TTC19: variants seen among roughly 807,000 people sequenced by gnomAD.
TTC19 encodes tetratricopeptide repeat protein 19, mitochondrial.
Under a neutral mutation model 49.5 loss-of-function variants are expected in TTC19, and 38 were observed. That is an observed-to-expected ratio of 0.77 (90% CI 0.59 to 1.01). The LOEUF (loss-of-function observed/expected upper bound fraction) is 1.01, where lower values mean the gene tolerates loss of function less well. Among genes scored for constraint, TTC19 ranks in the 50% least tolerant of loss-of-function variants. The pLI is 0.00. For missense variants in TTC19, 475 were observed against 477.7 expected, an observed-to-expected ratio of 0.99 and a Z score of 0.05; for synonymous variants, 204 against 185.2, an observed-to-expected ratio of 1.10 and a Z score of -0.83.
intron 3 of TTC19, among the ~76,000 whole-genome samples, chr17:16,002,303 C>T (rs929439189): frequency 4.6e-5 from 7 of 152,090 alleles, no homozygotes; most frequent in East Asian, 1.9e-4. Context: ...CTCACCCTCC[C>T]GAGTAGCTGG....
chr17:16,006,081 C>G (rs889142751), intron 6 of TTC19, among the ~76,000 whole-genome samples: 11 of 152,150 alleles, frequency 7.2e-5, no homozygotes, highest in Non-Finnish European at 2.9e-5. Context: ...AATGTTTAAA[C>G]TGAGCTGGAA....
At chr17:16,010,909 T>A (rs1483732819) in intron 7 of TTC19, among the ~76,000 whole-genome samples, 1 of 152,254 alleles carries the variant, frequency 6.6e-6, no homozygotes, top group Non-Finnish European at 1.5e-5. Context: ...CAGTTTCTGG[T>A]TGTGTCTACA....
rs1971647036 is a variant in TTC19, at chr17:16,028,209, G to T, written c.*687G>T. On this transcript the variant is annotated 3_prime_UTR_variant, in exon 10 of 10. Transcript: ENST00000261647. ...TATAAAACTAAAAACTAAGAATGATGTAACCTTTTGTCTGTGTTATCTGAA... is the reference window on the plus strand; with the variant it reads ...TATAAAACTAAAAACTAAGAATGATTTAACCTTTTGTCTGTGTTATCTGAA... The T allele has an allele frequency of 2.2e-6, 1 of 453,956 alleles. No homozygotes were observed. Among genetic ancestry groups the T allele is most frequent in the Non-Finnish European group, 4.4e-6 (1 of 226,796 alleles). The allele number at this position is 453,956 out of a possible 1,614,324, so 28.1% of individuals were successfully genotyped here.
intron 7 of TTC19, among the ~76,000 whole-genome samples, chr17:16,022,232 C>G (rs1253941385): frequency 6.6e-6 from 1 of 152,226 alleles, no homozygotes; most frequent in East Asian, 1.9e-4. Flanking sequence ...TGTCAACTCA[C>G]AGACTCTCCA....
intron 7 of TTC19, among the ~76,000 whole-genome samples, chr17:16,010,050 A>G (rs1460852658): frequency 6.6e-6 from 1 of 151,824 alleles, no homozygotes; most frequent in Admixed American, 6.6e-5. Flanking sequence ...TTAATTTCCA[A>G]TGTTATCTGT....
At chr17:16,032,664 T>A (rs1001159748), downstream of TTC19, among the ~76,000 whole-genome samples, 3 of 152,188 alleles carry the variant, frequency 2.0e-5, no homozygotes, top group Non-Finnish European at 4.4e-5. Flanking sequence ...GCCAATGATA[T>A]ATAGCAGTCA....
At chr17:16,006,947 G>T (rs1260246278) in intron 7 of TTC19, among the ~76,000 whole-genome samples, 2 of 152,032 alleles carry the variant, frequency 1.3e-5, no homozygotes, top group Non-Finnish European at 2.9e-5. Flanking sequence ...TAAGAAAGAA[G>T]AGAAAAAAAG....
intron 7 of TTC19, 60 bp downstream of exon 7, chr17:16,006,628 T>C: frequency 1.7e-6 from 2 of 1,165,046 alleles, no homozygotes; most frequent in South Asian, 2.5e-5. Flanking sequence ...CTTTACACTT[T>C]TGAGAAATGG....
At chr17:16,040,929 C>T (rs1408400713) in intron 2 of TTC19, 1 of 171,056 alleles carries the variant, frequency 5.8e-6, no homozygotes, top group African/African-American at 2.4e-5. Flanking sequence ...GGGAAAGGAA[C>T]TTTGCACTGC....
downstream of TTC19, chr17:16,032,612 A>G (rs1972327793): frequency 1.2e-6 from 1 of 829,378 alleles, no homozygotes; most frequent in Non-Finnish European, 1.8e-6. Context: ...AAGCAAAATG[A>G]ATACAACACG....
intron 5 of TTC19, 151 bp from the exon 6 acceptor site, chr17:16,004,050 G>GCATGCTTGCCAAGGAATTCA (rs1373787830): frequency 2.7e-5 from 30 of 1,092,288 alleles, no homozygotes; most frequent in Non-Finnish European, 3.8e-5. Flanking sequence ...AAATGCAACA[G>GCATGCTTGCCAAGGAATTCA]CATGCTTGCC....
intron 7 of TTC19, among the ~76,000 whole-genome samples, chr17:16,014,655 T>C (rs545878723): frequency 2.0e-5 from 3 of 152,354 alleles, no homozygotes; most frequent in African/African-American, 4.8e-5. Flanking sequence ...CATTTGGATT[T>C]GGGTTTTTGG....
At position 16,022,389 on chromosome 17, in the gene TTC19, C is replaced by A. The variant is rs148180919; in HGVS notation, c.677-2628C>A. 2.8e-3 allele frequency among the ~76,000 whole-genome samples: 430 copies of A among 152,282 alleles called. 4 individuals are homozygous for A. Among genetic ancestry groups the A allele is most frequent in the African/African-American group, 9.6e-3 (397 of 41,554 alleles). On this transcript the variant is annotated intron_variant, in intron 7 of 9. Transcript: ENST00000261647. ...GTGTTACGTTAGATTCTGCTTTATT[C>A]CCTCCACTAAAACCATTAACACTCA...
At chr17:16,035,780 GATT>G in intron 2 of TTC19, among the ~76,000 whole-genome samples, 1 of 152,058 alleles carries the variant, frequency 6.6e-6, no homozygotes, top group Admixed American at 6.5e-5. Context: ...GGGTTCAAGT[GATT>G]CTACTGCCTC....
intron 2 of TTC19, chr17:16,039,540 C>T: frequency 6.2e-7 from 1 of 1,614,078 alleles, no homozygotes; most frequent in East Asian, 2.2e-5. Context: ...CATGACAACT[C>T]CATGATCCTC....
chr17:16,039,770 A>T (rs1335788736), intron 2 of TTC19: 1 of 912,794 alleles, frequency 1.1e-6, no homozygotes, highest in Non-Finnish European at 1.7e-6. Context: ...GACCTAGAAC[A>T]ATACCAGGAC....
In TTC19 at chr17:16,041,503, T is replaced by C. The variant is rs191161015; in HGVS notation, c.248-3000T>C. ...ATCTAGGCTCACTGCAACCTCTGCC[T>C]CCTGGGTTCAAGCAGTTCTCCTGCC... On this transcript the variant is annotated intron_variant, in intron 2 of 2. Transcript: ENST00000470649. Among the ~76,000 whole-genome samples the C allele has an allele frequency of 9.9e-4, 140 of 141,960 alleles. 1 individual carries two copies. In the South Asian group the frequency reaches 0.018, roughly 18 times the overall value. 93.1% of individuals were successfully genotyped at this position (141,960 alleles called of 152,430 possible). A position where few individuals can be genotyped will look rare whatever the true frequency, so the allele number is the denominator to read the frequency against.
chr17:16,002,687 C>A, intron 3 of TTC19, 106 bp from the exon 4 acceptor site: 1 of 1,047,704 alleles, frequency 9.5e-7, no homozygotes, highest in Non-Finnish European at 1.5e-6. Context: ...TCATTTTCAA[C>A]TATTTTTTAA....
At chr17:16,009,113 A>AAGAC (rs1468285899) in intron 7 of TTC19, among the ~76,000 whole-genome samples, 1 of 152,186 alleles carries the variant, frequency 6.6e-6, no homozygotes. Context: ...AGACCCAAGA[A>AAGAC]AGACCAGCAA....
Sources: allele counts gnomAD v4.1 joint callset (sites outside exome capture counted in the v4.1 genomes callset), GRCh38; gene constraint gnomAD v4.1.1; transcripts MANE v1.5; gene names NCBI Gene and HGNC (gene_info 2026-07-23, HGNC 2026-07-21).